Variants in NEFL observed in about 807,000 individuals in gnomAD.
The protein encoded by NEFL is neurofilament light polypeptide.
In NEFL, 36 loss-of-function variants were observed where a neutral mutation model predicts 51.6. That is an observed-to-expected ratio of 0.70 (90% CI 0.53 to 0.92). NEFL has a LOEUF of 0.92. Among genes scored for constraint, NEFL ranks in the 40% least tolerant of loss-of-function variants. NEFL has a pLI of 0.00. For missense variants in NEFL, 671 were observed against 722.0 expected (o/e 0.93, Z 0.81); for synonymous variants, 332 against 302.5 (o/e 1.10, Z -1.01).
chr8:24,955,350 G>T lies in NEFL; in HGVS notation c.1044+122C>A. The T allele has an allele frequency of 9.7e-7, 1 of 1,031,864 alleles. No individual in the cohort carries two copies. The highest frequency in any genetic ancestry group is 1.4e-6 in the Non-Finnish European group (1 of 728,254). 63.9% of individuals were successfully genotyped at this position (1,031,864 alleles called of 1,614,324 possible). The stretch of plus-strand genomic sequence containing the variant: ...ACCCCTCCCACACAGTGGCCAAGGA[G>T]CCAAGCCCTATCCCTAAGAGCTGCG... On this transcript the variant is annotated intron_variant, in intron 1 of 3. Coordinates refer to ENST00000610854, the MANE Select transcript of NEFL (RefSeq NM_006158.5). This position sits in a 1 kb window ranked among gnomAD's most constrained non-coding sequence, Gnocchi z 4.0.
rs1803028885 is a variant in NEFL at position 24,955,276 on chromosome 8, A to T, written c.1044+196T>A. The T allele has an allele frequency of 5.3e-6, 3 of 571,036 alleles. No individual in the cohort carries two copies. The South Asian group carries it at 6.8e-5, about 13-fold the overall frequency. 35.4% of individuals were successfully genotyped at this position (571,036 alleles called of 1,614,324 possible). ...GAACGCCGGTGCAGCAGCACGGAGCACACTCCCAGACTACAGTGGCGCCCG... is the reference window on the plus strand; with the variant it reads ...GAACGCCGGTGCAGCAGCACGGAGCTCACTCCCAGACTACAGTGGCGCCCG... On this transcript the variant is annotated intron_variant, in intron 1 of 3. Coordinates refer to ENST00000610854, the MANE Select transcript of NEFL (RefSeq NM_006158.5). This position sits in a 1 kb window ranked among gnomAD's most constrained non-coding sequence, Gnocchi z 4.0.
rs549835253 is a variant in NEFL at position 24,954,361 on chromosome 8, T to A, written c.1045-56A>T. ...AAATCCGAGCATAAATCCCTTCTAT[T>A]ATTTTACTGTAGTGTAGTTGCAAAG... On this transcript the variant is annotated intron_variant, in intron 1 of 3. Coordinates refer to ENST00000610854, the MANE Select transcript of NEFL (RefSeq NM_006158.5). 3.8e-5 allele frequency: 60 copies of A among 1,595,178 alleles called. No individual in the cohort carries two copies. In the South Asian group the frequency reaches 6.3e-4, roughly 17 times the overall value.
rs551753443 is a variant in NEFL, at chr8:24,955,152, A to G, written c.1044+320T>C. 1.5e-4 allele frequency: 60 copies of G among 388,520 alleles called. No individual in the cohort carries two copies. The highest frequency in any genetic ancestry group is 1.0e-3 in the African/African-American group (51 of 49,810). The allele number at this position is 388,520 out of a possible 1,614,324, so 24.1% of individuals were successfully genotyped here. On this transcript the variant is annotated intron_variant, in intron 1 of 3. Coordinates refer to ENST00000610854, the MANE Select transcript of NEFL (RefSeq NM_006158.5). The surrounding 1 kb of genome is among the most constrained non-coding windows in gnomAD (Gnocchi z 4.0). Reference sequence around the variant, plus strand: ...CTGCAAAGTAACTTGTGGTTAATGCAGGTCAGTAGAGAGCTGATCTCACTG... The same window carrying G: ...CTGCAAAGTAACTTGTGGTTAATGCGGGTCAGTAGAGAGCTGATCTCACTG...
At chr8:24,953,447 G>C (rs1486959203) in intron 3 of NEFL, 29 bp downstream of exon 3, 1 of 1,547,692 alleles carries the variant, frequency 6.5e-7, no homozygotes, top group South Asian at 1.2e-5. Flanking sequence ...GTTTACACTT[G>C]AAGTTGCAGG....
At position 24,951,827 on chromosome 8, in the gene NEFL, T is replaced by A. The variant is rs1228433970; in HGVS notation, c.*983A>T. The A allele has an allele frequency of 6.6e-6, 1 of 152,598 alleles. No homozygotes were observed. The highest frequency in any genetic ancestry group is 2.4e-5 in the African/African-American group (1 of 41,448). 9.5% of individuals were successfully genotyped at this position (152,598 alleles called of 1,614,324 possible). A position where few individuals can be genotyped will look rare whatever the true frequency, so the allele number is the denominator to read the frequency against. On this transcript the variant is annotated 3_prime_UTR_variant, in exon 4 of 4. Transcript: ENST00000610854. ...CCTGAAATTATATATAGATAAAAAATTATTCCTTCTTATTGTACCATGTTC... is the reference window on the plus strand; with the variant it reads ...CCTGAAATTATATATAGATAAAAAAATATTCCTTCTTATTGTACCATGTTC...
Position 24,952,759 on chromosome 8 carries a change from T to C in NEFL, c.*51A>G, listed in dbSNP as rs538082598. On this transcript the variant is annotated 3_prime_UTR_variant, in exon 4 of 4. Coordinates refer to ENST00000610854, the MANE Select transcript of NEFL (RefSeq NM_006158.5). ...ACTGGTTGGTTGGTTGGTGATGGGG[T>C]TGACCTGATTTCGGGAGAATTATTC... The C allele has an allele frequency of 4.3e-5, 70 of 1,613,452 alleles. No homozygotes were observed. The highest frequency in any genetic ancestry group is 5.2e-5 in the Non-Finnish European group (61 of 1,179,730).
At position 24,956,524 on chromosome 8, in the gene NEFL, CCGGTGGCTCCCCGGCCCGCGGCGG is replaced by C. The variant is rs763950990; in HGVS notation, c.-33_-10del. 1.5e-5 allele frequency: 23 copies of C among 1,581,800 alleles called. 1 individual carries two copies. The highest frequency in any genetic ancestry group is 2.0e-4 in the Middle Eastern group (1 of 4,910). On this transcript the variant is annotated 5_prime_UTR_variant, in exon 1 of 4. Coordinates refer to ENST00000610854, the MANE Select transcript of NEFL (RefSeq NM_006158.5). The surrounding 1 kb of genome is among the most constrained non-coding windows in gnomAD (Gnocchi z 5.9). ...TAGCTGAAGGAACTCATGGTGGCGG[CCGGTGGCTCCCCGGCCCGCGGCGG>C]CGGTGGGAGCCCGGAGAGAGAGGAC...
Position 24,956,154 on chromosome 8 carries a change from TCGG to T in NEFL, c.359_361del (p.Ala120del). 6.2e-7 allele frequency: 1 copy of T among 1,609,932 alleles called. No individual in the cohort carries two copies. On this transcript the variant is annotated inframe_deletion, in exon 1 of 4. Coordinates refer to ENST00000610854, the MANE Select transcript of NEFL (RefSeq NM_006158.5). This position sits in a 1 kb window ranked among gnomAD's most constrained non-coding sequence, Gnocchi z 5.9. ...GTGCTTCTGGCGCAGCACCAGCAGC[TCGG>T]CTTCCAGGACCTTGTTCTGCTGCTC...
rs1407943301 is a variant in NEFL at position 24,952,549 on chromosome 8, C to T, written c.*261G>A. ...TAAACATCTGAATGATTCACATTGC[C>T]GTAGATCCTGAACTCATAAGCGTGG... On this transcript the variant is annotated 3_prime_UTR_variant, in exon 4 of 4. Transcript: ENST00000610854. 9 of 432,724 alleles carry T rather than the reference C, an allele frequency of 2.1e-5. No homozygotes were observed. Among genetic ancestry groups the T allele is most frequent in the Middle Eastern group, 6.0e-4 (1 of 1,660 alleles). 26.8% of individuals were successfully genotyped at this position (432,724 alleles called of 1,614,324 possible). A position where few individuals can be genotyped will look rare whatever the true frequency, so the allele number is the denominator to read the frequency against.
chr8:24,953,551 A>T lies in NEFL; in HGVS notation c.1414T>A (p.Ser472Thr), dbSNP rs1802998576. ...KAEEAKDEPP[S>T]EGEAEEEEKD... ...TCCTCCTCCTCGGCTTCTCCTTCAG[A>T]GGGGGGCTCATCCTTGGCTTCCTCA... The change falls in exon 3 of 4, where the codon TCT becomes ACT. Residue 472 changes from serine to threonine, a missense_variant. Physicochemically the swap from Ser to Thr is moderately conservative, Grantham distance 58. Coordinates refer to ENST00000610854, the MANE Select transcript of NEFL (RefSeq NM_006158.5). 6.2e-7 allele frequency: 1 copy of T among 1,613,250 alleles called. No individual in the cohort carries two copies. Among genetic ancestry groups the T allele is most frequent in the African/African-American group, 1.3e-5 (1 of 74,736 alleles).
chr8:24,955,948 C>G lies in NEFL; in HGVS notation c.568G>C (p.Gly190Arg). 1 of 1,602,686 alleles carries G rather than the reference C, an allele frequency of 6.2e-7. No individual in the cohort carries two copies. The highest frequency in any genetic ancestry group is 8.5e-7 in the Non-Finnish European group (1 of 1,179,170). Residue 190 changes from glycine to arginine, a missense_variant, in exon 1 of 4, where the codon GGC (glycine) becomes CGC (arginine). Transcript: ENST00000610854. The surrounding 1 kb of genome is among the most constrained non-coding windows in gnomAD (Gnocchi z 4.0). The part of the protein sequence containing the change: ...EEVLSREDAE[G>R]RLMEARKGAD... ...CCTTTGCGCGCTTCCATCAGCCGGC[C>G]CTCGGCGTCCTCGCGGCTCAGCACC... is the stretch of plus-strand genomic sequence containing the variant.
chr8:24,955,699 T>G lies in NEFL; in HGVS notation c.817A>C (p.Met273Leu). 6.2e-7 allele frequency: 1 copy of G among 1,613,914 alleles called. No homozygotes were observed. Among genetic ancestry groups the G allele is most frequent in the Middle Eastern group, 1.6e-4 (1 of 6,062 alleles). The change falls in exon 1 of 4, where the codon ATG becomes CTG. Residue 273 changes from methionine (M) to leucine (L), a missense_variant. Met to Leu is a conservative substitution (Grantham distance 15). Transcript: ENST00000610854. This position sits in a 1 kb window ranked among gnomAD's most constrained non-coding sequence, Gnocchi z 4.0. ...TTGAACCATTCCTCAGCGTTCTGCA[T>G]GTTCTTGGCGGCCAGCTTCTCGTAC... ...AQYEKLAAKN[M>L]QNAEEWFKSR...
chr8:24,951,501 C>T lies in NEFL; in HGVS notation c.*1309G>A, dbSNP rs1323306652. On this transcript the variant is annotated 3_prime_UTR_variant, in exon 4 of 4. Transcript: ENST00000610854. Reference sequence around the variant, plus strand: ...TTTACGACAGAAAGGATACATGGGGCGTGTATTTGATGCAATGTCCAACCA... The same window carrying T: ...TTTACGACAGAAAGGATACATGGGGTGTGTATTTGATGCAATGTCCAACCA... 2 of 152,278 alleles carry T rather than the reference C, an allele frequency of 1.3e-5. No homozygotes were observed. The highest frequency in any genetic ancestry group is 1.9e-4 in the East Asian group (1 of 5,178). The allele number at this position is 152,278 out of a possible 1,614,324, so 9.4% of individuals were successfully genotyped here.
At chr8:24,954,470 A>G (rs1043158270) in intron 1 of NEFL, among the ~76,000 whole-genome samples, 165 bp from the exon 2 acceptor site, 4 of 152,188 alleles carry the variant, frequency 2.6e-5, no homozygotes, top group African/African-American at 9.7e-5. Context: ...AAAAACCTTC[A>G]TGCCTAAAAT....
In NEFL at chr8:24,956,487, T is replaced by G. The variant is rs1323838456; in HGVS notation, c.29A>C (p.Tyr10Ser). 3 of 1,603,026 alleles carry G rather than the reference T, an allele frequency of 1.9e-6. No individual in the cohort carries two copies. Among genetic ancestry groups the G allele is most frequent in the African/African-American group, 2.7e-5 (2 of 74,818 alleles). Reference protein sequence around the residue: MSSFSYEPYYSTSYKRRYVE... With the variant: MSSFSYEPYSSTSYKRRYVE... The stretch of plus-strand genomic sequence containing the variant: ...GTAGCGCCGCTTGTAGGAGGTCGAG[T>G]AGTACGGCTCGTAGCTGAAGGAACT... Residue 10 changes from tyrosine to serine, a missense_variant, in exon 1 of 4, where the codon TAC (tyrosine) becomes TCC (serine). By Grantham distance (144) the Tyr-to-Ser change is moderately radical. Coordinates refer to ENST00000610854, the MANE Select transcript of NEFL (RefSeq NM_006158.5). This position sits in a 1 kb window ranked among gnomAD's most constrained non-coding sequence, Gnocchi z 5.9.
chr8:24,956,468 C>T lies in NEFL; in HGVS notation c.48G>A (p.Arg16=), dbSNP rs2117256009. Residue 16 remains arginine, a synonymous_variant, in exon 1 of 4, where the codon CGG becomes CGA. Transcript: ENST00000610854. The surrounding 1 kb of genome is among the most constrained non-coding windows in gnomAD (Gnocchi z 5.9). ...GCACCCGGGGCGTCTCCACGTAGCGCCGCTTGTAGGAGGTCGAGTAGTACG... is the reference window on the plus strand; with the variant it reads ...GCACCCGGGGCGTCTCCACGTAGCGTCGCTTGTAGGAGGTCGAGTAGTACG... ...YEPYYSTSYK[R]RYVETPRVHI... is the part of the protein sequence containing the mutation. The T allele has an allele frequency of 2.5e-6, 4 of 1,604,334 alleles. No individual in the cohort carries two copies. The highest frequency in any genetic ancestry group is 3.4e-6 in the Non-Finnish European group (4 of 1,176,242).
intron 2 of NEFL, 190 bp from the exon 3 acceptor site, chr8:24,953,985 A>G: frequency 1.7e-6 from 2 of 1,183,862 alleles, no homozygotes; most frequent in Non-Finnish European, 1.2e-6. Context: ...TAATGACAAG[A>G]TAAAAACAGG....
rs1802964221 is a variant in NEFL, at chr8:24,951,307, A to C, written c.*1503T>G. The stretch of plus-strand genomic sequence containing the variant: ...GTACAAAGGGATTAAGTAACTTTAA[A>C]TGGAGACCACTTTGGTTTCAGGTTA... On this transcript the variant is annotated 3_prime_UTR_variant, in exon 4 of 4. Transcript: ENST00000610854. 6.6e-6 allele frequency: 1 copy of C among 152,374 alleles called. No homozygotes were observed. Among genetic ancestry groups the C allele is most frequent in the East Asian group, 1.9e-4 (1 of 5,190 alleles). The allele number at this position is 152,374 out of a possible 1,614,324, so 9.4% of individuals were successfully genotyped here.
In NEFL at chr8:24,952,873, A is replaced by G; in HGVS notation, c.1569T>C (p.Ala523=). 3.1e-6 allele frequency: 5 copies of G among 1,610,152 alleles called. No individual in the cohort carries two copies. Among genetic ancestry groups the G allele is most frequent in the Non-Finnish European group, 4.2e-6 (5 of 1,176,684 alleles). Residue 523 remains alanine, a synonymous_variant, in exon 4 of 4, where the codon GCT becomes GCC. Coordinates refer to ENST00000610854, the MANE Select transcript of NEFL (RefSeq NM_006158.5). ...CTTCAACTTTCTTCTCCTCCTCTTC[A>G]GCTTCTTTGGTTTCCTCTCCTTCTT... ...EGEEGEETKE[A]EEEEKKVEGA... is the part of the protein sequence containing the mutation.
Sources: gnomAD v4.1 joint callset for allele counts (sites outside exome capture counted in the v4.1 genomes callset) on GRCh38, gnomAD v4.1.1 for gene constraint, Gnocchi (gnomAD v3.1) non-coding constraint, MANE v1.5 for transcripts, NCBI Gene and HGNC (gene_info 2026-07-23, HGNC 2026-07-21) for gene names.